CEBPA: variants seen among roughly 807,000 people sequenced by gnomAD.
CEBPA encodes the protein CCAAT enhancer binding protein alpha.
CEBPA carries 2 observed loss-of-function variants against 5.1 expected under a neutral mutation model. The ratio of observed to expected loss-of-function variants is 0.39; its 90% CI spans 0.16 to 1.23. CEBPA has a LOEUF of 1.23. CEBPA is among the 50% of genes most tolerant of loss of function. The pLI, the probability that CEBPA is intolerant of heterozygous loss-of-function variation, is 0.34. For missense variants in CEBPA, 455 were observed against 537.4 expected, an observed-to-expected ratio of 0.85 and a Z score of 1.52; for synonymous variants, 275 against 264.1, an observed-to-expected ratio of 1.04 and a Z score of -0.40.
At position 33,301,405 on chromosome 19, in the gene CEBPA, G is replaced by T; in HGVS notation, c.1010C>A (p.Thr337Lys). ...CAGCTGGCGGAAGATGCCCCGCAGC[G>T]TGTCCAGTTCGCGGCTCAGCTGTTC... ...RVEQLSRELDTLRGIFRQLPE... is the reference protein window; with the variant it reads ...RVEQLSRELDKLRGIFRQLPE... Residue 337 changes from threonine (T) to lysine (K), a missense_variant, in exon 1 of 1, where the codon ACG (threonine) becomes AAG (lysine). Transcript: ENST00000498907. The surrounding 1 kb of genome is among the most constrained non-coding windows in gnomAD (Gnocchi z 6.0). 6.2e-7 allele frequency: 1 copy of T among 1,611,044 alleles called. No homozygotes were observed. The highest frequency in any genetic ancestry group is 1.3e-5 in the African/African-American group (1 of 75,056).
In CEBPA at chr19:33,301,820, CGGGCGGCGGGTGCGGGTGCGGGTGCGA is replaced by C. The variant is rs751616001; in HGVS notation, c.568_594del (p.Ser190_Pro198del). 24 of 1,237,052 alleles carry C rather than the reference CGGGCGGCGGGTGCGGGTGCGGGTGCGA, an allele frequency of 1.9e-5. No individual in the cohort carries two copies. The South Asian group carries it at 5.1e-4, about 26-fold the overall frequency. The allele number at this position is 1,237,052 out of a possible 1,614,324, so 76.6% of individuals were successfully genotyped here. A position where few individuals can be genotyped will look rare whatever the true frequency, so the allele number is the denominator to read the frequency against. ...TGCAGGTGCGGGGCGGCCAGGTGCG[CGGGCGGCGGGTGCGGGTGCGGGTGCGA>C]GGGCGGCGGCGGCGGCGGCGGCTGG... is the stretch of plus-strand genomic sequence containing the variant. On this transcript the variant is annotated inframe_deletion, in exon 1 of 1. Transcript: ENST00000498907. The surrounding 1 kb of genome is among the most constrained non-coding windows in gnomAD (Gnocchi z 6.0).
At position 33,301,620 on chromosome 19, in the gene CEBPA, C is replaced by T. The variant is rs2145260042; in HGVS notation, c.795G>A (p.Ala265=). ...CCTTGCCCGCGCCGCTGCCGCCACTCGCGCGGAGGTCGGGGTGCGCGGCGC... is the reference window on the plus strand; with the variant it reads ...CCTTGCCCGCGCCGCTGCCGCCACTTGCGCGGAGGTCGGGGTGCGCGGCGC... ...GLGAAHPDLR[A]SGGSGAGKAK... The change falls in exon 1 of 1, where the codon GCG becomes GCA. Residue 265 remains alanine (A), a synonymous_variant. Coordinates refer to ENST00000498907, the MANE Select transcript of CEBPA (RefSeq NM_004364.5). This position sits in a 1 kb window ranked among gnomAD's most constrained non-coding sequence, Gnocchi z 6.0. 3 of 1,590,142 alleles carry T rather than the reference C, an allele frequency of 1.9e-6. No individual in the cohort carries two copies. The highest frequency in any genetic ancestry group is 2.6e-6 in the Non-Finnish European group (3 of 1,171,286).
chr19:33,301,292 G>T lies in CEBPA; in HGVS notation c.*46C>A. ...TCCGGCGACCCCAAACCACTCCCTG[G>T]GTCCCCGCCGGAGGCTGGCCCAGGG... On this transcript the variant is annotated 3_prime_UTR_variant, in exon 1 of 1. Coordinates refer to ENST00000498907, the MANE Select transcript of CEBPA (RefSeq NM_004364.5). The surrounding 1 kb of genome is among the most constrained non-coding windows in gnomAD (Gnocchi z 6.0). The T allele has an allele frequency of 6.5e-7, 1 of 1,535,888 alleles. No individual in the cohort carries two copies. The highest frequency in any genetic ancestry group is 1.9e-5 in the Admixed American group (1 of 51,316).
rs1309510905 is a variant in CEBPA, at chr19:33,300,978, C to T, written c.*360G>A. ...CCTCGGGAAGGAGGCAGGAAACCTC[C>T]AAATAAAATGACAAGGCACGATTTG... On this transcript the variant is annotated 3_prime_UTR_variant, in exon 1 of 1. Coordinates refer to ENST00000498907, the MANE Select transcript of CEBPA (RefSeq NM_004364.5). 3.8e-5 allele frequency: 13 copies of T among 343,784 alleles called. No homozygotes were observed. The highest frequency in any genetic ancestry group is 1.6e-3 in the Middle Eastern group (2 of 1,250). 21.3% of individuals were successfully genotyped at this position (343,784 alleles called of 1,614,324 possible). A position where few individuals can be genotyped will look rare whatever the true frequency, so the allele number is the denominator to read the frequency against.
In CEBPA at chr19:33,301,828, G is replaced by C; in HGVS notation, c.587C>G (p.Pro196Arg). Residue 196 changes from proline (P) to arginine (R), a missense_variant, in exon 1 of 1, where the codon CCG becomes CGG. Physicochemically the swap from Pro to Arg is moderately radical, Grantham distance 103 (BLOSUM62 -2). This residue lies in a region of CEBPA where 141 missense variants were observed against 124.1 expected (regional missense o/e 1.14). Coordinates refer to ENST00000498907, the MANE Select transcript of CEBPA (RefSeq NM_004364.5). This position sits in a 1 kb window ranked among gnomAD's most constrained non-coding sequence, Gnocchi z 6.0. The stretch of plus-strand genomic sequence containing the variant: ...CGGGGCGGCCAGGTGCGCGGGCGGC[G>C]GGTGCGGGTGCGGGTGCGAGGGCGG... Reference protein sequence around the residue: ...PPPPSHPHPHPPPAHLAAPHL... With the variant: ...PPPPSHPHPHRPPAHLAAPHL... The C allele has an allele frequency of 2.4e-6, 3 of 1,265,938 alleles. No individual in the cohort carries two copies. Among genetic ancestry groups the C allele is most frequent in the Non-Finnish European group, 3.0e-6 (3 of 1,006,270 alleles). 78.4% of individuals were successfully genotyped at this position (1,265,938 alleles called of 1,614,324 possible).
chr19:33,302,462 C>G lies in CEBPA; in HGVS notation c.-48G>C. 8.3e-7 allele frequency: 1 copy of G among 1,198,740 alleles called. No individual in the cohort carries two copies. Among genetic ancestry groups the G allele is most frequent in the Non-Finnish European group, 1.0e-6 (1 of 953,796 alleles). The allele number at this position is 1,198,740 out of a possible 1,614,324, so 74.3% of individuals were successfully genotyped here. A position where few individuals can be genotyped will look rare whatever the true frequency, so the allele number is the denominator to read the frequency against. The stretch of plus-strand genomic sequence containing the variant: ...CATGGCGAGCCTCGGCGGCCTCCAG[C>G]CTGCGCGGGGCGTCGCCGCCGCCCA... On this transcript the variant is annotated 5_prime_UTR_variant, in exon 1 of 1. Coordinates refer to ENST00000498907, the MANE Select transcript of CEBPA (RefSeq NM_004364.5).
In CEBPA at chr19:33,301,344, G is replaced by A. The variant is rs1162154287; in HGVS notation, c.1071C>T (p.Cys357=). 1.9e-6 allele frequency: 3 copies of A among 1,596,212 alleles called. No individual in the cohort carries two copies. Among genetic ancestry groups the A allele is most frequent in the East Asian group, 2.3e-5 (1 of 44,364 alleles). ...GGTCCCACAGCCGCGCGCCTCACGC[G>A]CAGTTGCCCATGGCCTTGACCAAGG... The part of the protein sequence containing the change: ...ESSLVKAMGN[C]A The change falls in exon 1 of 1, where the codon TGC becomes TGT. Residue 357 remains cysteine, a synonymous_variant. Coordinates refer to ENST00000498907, the MANE Select transcript of CEBPA (RefSeq NM_004364.5). This position sits in a 1 kb window ranked among gnomAD's most constrained non-coding sequence, Gnocchi z 6.0.
rs778040955 is a variant in CEBPA, at chr19:33,301,330, C to G, written c.*8G>C. 1 of 1,585,664 alleles carries G rather than the reference C, an allele frequency of 6.3e-7. No individual in the cohort carries two copies. Among genetic ancestry groups the G allele is most frequent in the Non-Finnish European group, 8.5e-7 (1 of 1,171,832 alleles). On this transcript the variant is annotated 3_prime_UTR_variant, in exon 1 of 1. Coordinates refer to ENST00000498907, the MANE Select transcript of CEBPA (RefSeq NM_004364.5). The surrounding 1 kb of genome is among the most constrained non-coding windows in gnomAD (Gnocchi z 6.0). ...GGCTGGCCCAGGGCGGTCCCACAGC[C>G]GCGCGCCTCACGCGCAGTTGCCCAT...
In CEBPA at chr19:33,300,439, C is replaced by A. The variant is rs964057493; in HGVS notation, c.*899G>T. On this transcript the variant is annotated 3_prime_UTR_variant, in exon 1 of 1. Coordinates refer to ENST00000498907, the MANE Select transcript of CEBPA (RefSeq NM_004364.5). ...TGGAAAGCTTGTCATAACTCCGGTC[C>A]CTCTGGGATGGACTGATCGTGCTTC... 1.3e-5 allele frequency: 3 copies of A among 233,604 alleles called. No individual in the cohort carries two copies. The highest frequency in any genetic ancestry group is 5.6e-5 in the Admixed American group (1 of 17,782). 14.5% of individuals were successfully genotyped at this position (233,604 alleles called of 1,614,324 possible).
rs1967116871 is a variant in CEBPA at position 33,300,118 on chromosome 19, C to A, written c.*1220G>T. 2 of 233,274 alleles carry A rather than the reference C, an allele frequency of 8.6e-6. No homozygotes were observed. The highest frequency in any genetic ancestry group is 4.4e-5 in the African/African-American group (2 of 45,344). 14.5% of individuals were successfully genotyped at this position (233,274 alleles called of 1,614,324 possible). ...GCCTCTGGGGGACAAGCCTTGTGGG[C>A]AGCCCAGGCCGGAGGGGCTGGGGAA... On this transcript the variant is annotated 3_prime_UTR_variant, in exon 1 of 1. Coordinates refer to ENST00000498907, the MANE Select transcript of CEBPA (RefSeq NM_004364.5).
At position 33,302,027 on chromosome 19, in the gene CEBPA, C is replaced by T. The variant is rs919904139; in HGVS notation, c.388G>A (p.Gly130Ser). Residue 130 changes from glycine (G) to serine (S), a missense_variant, in exon 1 of 1, where the codon GGC becomes AGC. Transcript: ENST00000498907. ...MPGGAHGPPPGYGCAAAGYLD... is the reference protein window; with the variant it reads ...MPGGAHGPPPSYGCAAAGYLD... ...TAGCCGGCGGCCGCGCAGCCGTAGC[C>T]GGGCGGGGGCCCGTGCGCTCCCCCG... 4.4e-5 allele frequency: 52 copies of T among 1,177,778 alleles called. No individual in the cohort carries two copies. The Admixed American group carries it at 1.6e-3, about 37-fold the overall frequency. The allele number at this position is 1,177,778 out of a possible 1,614,324, so 73.0% of individuals were successfully genotyped here. A position where few individuals can be genotyped will look rare whatever the true frequency, so the allele number is the denominator to read the frequency against.
chr19:33,302,213 T>A lies in CEBPA; in HGVS notation c.202A>T (p.Ile68Phe). The A allele has an allele frequency of 6.7e-7, 1 of 1,498,100 alleles. No homozygotes were observed. Among genetic ancestry groups the A allele is most frequent in the Non-Finnish European group, 8.9e-7 (1 of 1,121,108 alleles). The allele number at this position is 1,498,100 out of a possible 1,614,324, so 92.8% of individuals were successfully genotyped here. A position where few individuals can be genotyped will look rare whatever the true frequency, so the allele number is the denominator to read the frequency against. Residue 68 changes from isoleucine (I) to phenylalanine (F), a missense_variant, in exon 1 of 1, where the codon ATC becomes TTC. Physicochemically the swap from Ile to Phe is conservative, Grantham distance 21 (BLOSUM62 0). Transcript: ENST00000498907. The part of the protein sequence containing the change: ...HETSIDISAY[I>F]DPAAFNDEFL... ...TCGTCGTTGAAGGCGGCCGGGTCGA[T>A]GTAGGCGCTGATGTCGATGGACGTC...
rs938139789 is a variant in CEBPA at position 33,302,031 on chromosome 19, C to G, written c.384G>C (p.Pro128=). Residue 128 remains proline (P), a synonymous_variant, in exon 1 of 1, where the codon CCG becomes CCC. Transcript: ENST00000498907. ...AVMPGGAHGP[P]PGYGCAAAGY... Reference sequence around the variant, plus strand: ...CGGCGGCCGCGCAGCCGTAGCCGGGCGGGGGCCCGTGCGCTCCCCCGGGCA... The same window carrying G: ...CGGCGGCCGCGCAGCCGTAGCCGGGGGGGGGCCCGTGCGCTCCCCCGGGCA... The G allele has an allele frequency of 8.5e-7, 1 of 1,178,362 alleles. No individual in the cohort carries two copies. The highest frequency in any genetic ancestry group is 1.0e-6 in the Non-Finnish European group (1 of 952,574). The allele number at this position is 1,178,362 out of a possible 1,614,324, so 73.0% of individuals were successfully genotyped here. A position where few individuals can be genotyped will look rare whatever the true frequency, so the allele number is the denominator to read the frequency against.
At position 33,302,304 on chromosome 19, in the gene CEBPA, C is replaced by G. The variant is rs1323312485; in HGVS notation, c.111G>C (p.Ala37=). The change falls in exon 1 of 1, where the codon GCG becomes GCC. Residue 37 remains alanine (A), a synonymous_variant. Coordinates refer to ENST00000498907, the MANE Select transcript of CEBPA (RefSeq NM_004364.5). ...SSAAFGFPRG[A]GPAQPPAPPA... is the part of the protein sequence containing the mutation. ...GTGGGGCGGGAGGCTGCGCGGGGCC[C>G]GCGCCCCGGGGAAAGCCGAAGGCGG... 9.7e-6 allele frequency: 14 copies of G among 1,449,810 alleles called. No homozygotes were observed. Among genetic ancestry groups the G allele is most frequent in the Non-Finnish European group, 1.3e-5 (14 of 1,095,832 alleles). The allele number at this position is 1,449,810 out of a possible 1,614,324, so 89.8% of individuals were successfully genotyped here.
At position 33,301,460 on chromosome 19, in the gene CEBPA, T is replaced by C. The variant is rs1555741962; in HGVS notation, c.955A>G (p.Ser319Gly). ...CGCTTGCGCAGGCGGTCATTGTCAC[T>C]GGTCAGCTCCAGCACCTTCTGCTGC... ...ETQQKVLELTSDNDRLRKRVE... is the reference protein window; with the variant it reads ...ETQQKVLELTGDNDRLRKRVE... The change falls in exon 1 of 1, where the codon AGT (serine) becomes GGT (glycine). Residue 319 changes from serine (S) to glycine (G), a missense_variant. Physicochemically the swap from Ser to Gly is moderately conservative, Grantham distance 56 (BLOSUM62 0). This residue lies in a region of CEBPA where 118 missense variants were observed against 189.3 expected (regional missense o/e 0.62). Transcript: ENST00000498907. This position sits in a 1 kb window ranked among gnomAD's most constrained non-coding sequence, Gnocchi z 6.0. 2 of 1,613,272 alleles carry C rather than the reference T, an allele frequency of 1.2e-6. No individual in the cohort carries two copies. Among genetic ancestry groups the C allele is most frequent in the Non-Finnish European group, 8.5e-7 (1 of 1,179,828 alleles).
chr19:33,301,832 G>T lies in CEBPA; in HGVS notation c.583C>A (p.His195Asn). The change falls in exon 1 of 1, where the codon CAC becomes AAC. Residue 195 changes from histidine (H) to asparagine (N), a missense_variant. His to Asn is a moderately conservative substitution (Grantham distance 68). This residue lies in a region of CEBPA where 141 missense variants were observed against 124.1 expected (regional missense o/e 1.14). Coordinates refer to ENST00000498907, the MANE Select transcript of CEBPA (RefSeq NM_004364.5). The surrounding 1 kb of genome is among the most constrained non-coding windows in gnomAD (Gnocchi z 6.0). ...GCGGCCAGGTGCGCGGGCGGCGGGT[G>T]CGGGTGCGGGTGCGAGGGCGGCGGC... ...PPPPPSHPHP[H>N]PPPAHLAAPH... 1 of 1,286,038 alleles carries T rather than the reference G, an allele frequency of 7.8e-7. No homozygotes were observed. The allele number at this position is 1,286,038 out of a possible 1,614,324, so 79.7% of individuals were successfully genotyped here.
Position 33,301,632 on chromosome 19 carries a change from G to C in CEBPA, c.783C>G (p.Pro261=), listed in dbSNP as rs777375579. Residue 261 remains proline (P), a synonymous_variant, in exon 1 of 1, where the codon CCC becomes CCG. Coordinates refer to ENST00000498907, the MANE Select transcript of CEBPA (RefSeq NM_004364.5). The surrounding 1 kb of genome is among the most constrained non-coding windows in gnomAD (Gnocchi z 6.0). The part of the protein sequence containing the change: ...SALKGLGAAH[P]DLRASGGSGA... Reference sequence around the variant, plus strand: ...CGCTGCCGCCACTCGCGCGGAGGTCGGGGTGCGCGGCGCCCAGCCCCTTGA... The same window carrying C: ...CGCTGCCGCCACTCGCGCGGAGGTCCGGGTGCGCGGCGCCCAGCCCCTTGA... The C allele has an allele frequency of 6.4e-7, 1 of 1,566,968 alleles. No individual in the cohort carries two copies. Among genetic ancestry groups the C allele is most frequent in the South Asian group, 1.1e-5 (1 of 87,530 alleles).
chr19:33,300,286 C>T lies in CEBPA; in HGVS notation c.*1052G>A, dbSNP rs935757154. 8.6e-6 allele frequency: 2 copies of T among 233,638 alleles called. No individual in the cohort carries two copies. Among genetic ancestry groups the T allele is most frequent in the African/African-American group, 4.4e-5 (2 of 45,346 alleles). The allele number at this position is 233,638 out of a possible 1,614,324, so 14.5% of individuals were successfully genotyped here. ...CATTTTGGCAAGTATCCGAGCAAAA[C>T]CAAAACAAAACAAAAACCAAATAAA... On this transcript the variant is annotated 3_prime_UTR_variant, in exon 1 of 1. Transcript: ENST00000498907.
rs1403352822 is a variant in CEBPA at position 33,301,603 on chromosome 19, G to A, written c.812C>T (p.Ala271Val). ...GTCCACCGACTTCTTGGCCTTGCCCGCGCCGCTGCCGCCACTCGCGCGGAG... is the reference window on the plus strand; with the variant it reads ...GTCCACCGACTTCTTGGCCTTGCCCACGCCGCTGCCGCCACTCGCGCGGAG... ...PDLRASGGSG[A>V]GKAKKSVDKN... Residue 271 changes from alanine to valine, a missense_variant, in exon 1 of 1, where the codon GCG becomes GTG. Ala to Val is a moderately conservative substitution (Grantham distance 64). Around this residue, in one of 5 missense-constraint regions of CEBPA, gnomAD observed 118 missense variants for 189.3 expected, o/e 0.62. Transcript: ENST00000498907. This position sits in a 1 kb window ranked among gnomAD's most constrained non-coding sequence, Gnocchi z 6.0. 6.3e-7 allele frequency: 1 copy of A among 1,597,588 alleles called. No homozygotes were observed. The highest frequency in any genetic ancestry group is 1.1e-5 in the South Asian group (1 of 90,034).
Sources: gnomAD v4.1 joint callset for allele counts on GRCh38, gnomAD v4.1.1 for gene constraint, gnomAD v4.1.1 regional missense constraint, Gnocchi (gnomAD v3.1) non-coding constraint, MANE v1.5 for transcripts, NCBI Gene and HGNC (gene_info 2026-07-23, HGNC 2026-07-21) for gene names.